FAM171B: variants seen among roughly 807,000 people sequenced by gnomAD.
The protein encoded by FAM171B is protein FAM171B.
FAM171B carries 19 observed loss-of-function variants against 75.6 expected under a neutral mutation model. The observed-to-expected ratio is 0.25, with a 90% confidence interval of 0.18 to 0.37. The LOEUF (loss-of-function observed/expected upper bound fraction) is 0.37, where lower values mean the gene tolerates loss of function less well. Among genes scored for constraint, FAM171B ranks in the 10% least tolerant of loss-of-function variants. FAM171B has a pLI of 1.00. For synonymous variants in FAM171B, 367 were observed against 361.7 expected (o/e 1.01, Z -0.17); for missense variants, 848 against 982.4 (o/e 0.86, Z 1.83).
At chr2:186,707,895 T>C (rs1338731406) in intron 1 of FAM171B, among the ~76,000 whole-genome samples, 4 of 152,022 alleles carry the variant, frequency 2.6e-5, no homozygotes, top group African/African-American at 9.7e-5. Context: ...GGTTCCTCTG[T>C]TATGCACTCT....
chr2:186,707,855 G>T (rs1490405792), intron 1 of FAM171B, among the ~76,000 whole-genome samples: 2 of 148,956 alleles, frequency 1.3e-5, no homozygotes, highest in Non-Finnish European at 3.0e-5. Context: ...AAAAAAAAAA[G>T]GTTTTTCATT....
intron 6 of FAM171B, 123 bp downstream of exon 6, chr2:186,754,172 G>C (rs1270479301): frequency 1.5e-6 from 1 of 668,704 alleles, no homozygotes; most frequent in Non-Finnish European, 2.5e-6. Flanking sequence ...AATGGGAAAG[G>C]AACTTGATCT....
At chr2:186,718,231 A>G (rs1392390648) in intron 1 of FAM171B, among the ~76,000 whole-genome samples, 1 of 152,176 alleles carries the variant, frequency 6.6e-6, no homozygotes, top group Non-Finnish European at 1.5e-5. Context: ...GCTCCCAGAG[A>G]GGTCTTTCTG....
At chr2:186,726,564 A>G (rs1220921144) in intron 1 of FAM171B, among the ~76,000 whole-genome samples, 1 of 152,188 alleles carries the variant, frequency 6.6e-6, no homozygotes, top group Middle Eastern at 3.4e-3. Context: ...CCTCATTCCA[A>G]TTAAATAGGG....
rs1690648568 is a variant in FAM171B, at chr2:186,763,157, T to C, written c.*334T>C. On this transcript the variant is annotated 3_prime_UTR_variant, in exon 8 of 8. Coordinates refer to ENST00000304698, the MANE Select transcript of FAM171B (RefSeq NM_177454.4). ...AACAGTGAAATATATACTCCTCAAG[T>C]TGCCTCCAAAAATGTTGCCTCTACC... is the stretch of plus-strand genomic sequence containing the variant. 1 of 190,334 alleles carries C rather than the reference T, an allele frequency of 5.3e-6. No individual in the cohort carries two copies. The highest frequency in any genetic ancestry group is 5.5e-5 in the Admixed American group (1 of 18,072). 11.8% of individuals were successfully genotyped at this position (190,334 alleles called of 1,614,324 possible). A position where few individuals can be genotyped will look rare whatever the true frequency, so the allele number is the denominator to read the frequency against.
chr2:186,743,354 C>T, intron 2 of FAM171B, 129 bp from the exon 3 acceptor site: 3 of 600,238 alleles, frequency 5.0e-6, no homozygotes, highest in South Asian at 2.1e-5. Flanking sequence ...TTTTGAATTG[C>T]TCTTCCCATC....
At position 186,707,464 on chromosome 2, in the gene FAM171B, C is replaced by T. The variant is rs546117887; in HGVS notation, c.238+13053C>T. Among the ~76,000 whole-genome samples the T allele has an allele frequency of 5.6e-4, 86 of 152,218 alleles. 1 individual carries two copies. Among genetic ancestry groups the T allele is most frequent in the Non-Finnish European group, 8.4e-4 (57 of 68,046 alleles). On this transcript the variant is annotated intron_variant, in intron 1 of 7. Coordinates refer to ENST00000304698, the MANE Select transcript of FAM171B (RefSeq NM_177454.4). ...GGCCTCCTTATGTCCATTCTTGATG[C>T]TCTGAAATCCAAATTTCCTATTGAA...
intron 6 of FAM171B, among the ~76,000 whole-genome samples, chr2:186,760,819 G>T (rs1332820834): frequency 6.6e-6 from 1 of 151,900 alleles, no homozygotes; most frequent in African/African-American, 2.4e-5. Context: ...CCAGGTTGAA[G>T]GAATAACAAC....
intron 1 of FAM171B, among the ~76,000 whole-genome samples, chr2:186,696,452 A>G (rs1689582547): frequency 1.5e-5 from 1 of 68,516 alleles, no homozygotes. Flanking sequence ...ACAGCTAGCG[A>G]TCTTTAAAAA....
intron 1 of FAM171B, among the ~76,000 whole-genome samples, chr2:186,712,810 G>T (rs563192308): frequency 6.6e-6 from 1 of 151,890 alleles, no homozygotes; most frequent in Non-Finnish European, 1.5e-5. Flanking sequence ...TGTTCACTTC[G>T]CAGTACTAAT....
chr2:186,713,869 G>C (rs1342107387), intron 1 of FAM171B, among the ~76,000 whole-genome samples: 2 of 152,022 alleles, frequency 1.3e-5, no homozygotes, highest in African/African-American at 4.8e-5. Flanking sequence ...TTTTTGTTTT[G>C]AATTCAAACA....
intron 2 of FAM171B, 54 bp downstream of exon 2, chr2:186,740,515 A>AT: frequency 7.0e-7 from 1 of 1,428,216 alleles, no homozygotes; most frequent in African/African-American, 1.4e-5. Flanking sequence ...TAAATGAATT[A>AT]TTTTCTCTGT....
At chr2:186,745,067 C>T (rs1481032716) in intron 3 of FAM171B, among the ~76,000 whole-genome samples, 3 of 151,960 alleles carry the variant, frequency 2.0e-5, no homozygotes, top group South Asian at 2.1e-4. Context: ...TGACCTCAAG[C>T]GATCCGCCCA....
chr2:186,743,788 A>G (rs965994711), intron 3 of FAM171B, among the ~76,000 whole-genome samples: 1 of 152,052 alleles, frequency 6.6e-6, no homozygotes, highest in Non-Finnish European at 1.5e-5. Flanking sequence ...TTCCTTTACT[A>G]TTTTAGCCCC....
At chr2:186,731,851 G>A (rs1690119077) in intron 1 of FAM171B, among the ~76,000 whole-genome samples, 1 of 151,996 alleles carries the variant, frequency 6.6e-6, no homozygotes, top group South Asian at 2.1e-4. Flanking sequence ...ACCCTATTTT[G>A]AACTGAGCAT....
At position 186,751,240 on chromosome 2, in the gene FAM171B, T is replaced by A; in HGVS notation, c.831T>A (p.Leu277=). 1 of 1,611,474 alleles carries A rather than the reference T, an allele frequency of 6.2e-7. No individual in the cohort carries two copies. The highest frequency in any genetic ancestry group is 8.5e-7 in the Non-Finnish European group (1 of 1,178,222). ...VNGSIQVSLP[L]LRLNDISAGD... ...GCTCTATTCAAGTTTCTCTTCCTCT[T>A]CTACGTCTGAATGATATAAGTGCAG... Residue 277 remains leucine (L), a synonymous_variant, in exon 5 of 8, where the codon CTT becomes CTA. Transcript: ENST00000304698.
chr2:186,703,297 A>G (rs896716869), intron 1 of FAM171B, among the ~76,000 whole-genome samples: 2 of 152,184 alleles, frequency 1.3e-5, no homozygotes, highest in African/African-American at 4.8e-5. Flanking sequence ...TAGAACGTTT[A>G]CTTGGCTGAA....
At chr2:186,720,700 C>CAAAAAAAAAAAAAAAAAA (rs71411184) in intron 1 of FAM171B, among the ~76,000 whole-genome samples, 1 of 110,248 alleles carries the variant, frequency 9.1e-6, no homozygotes, top group Admixed American at 9.9e-5. Flanking sequence ...AGATCATGTA[C>CAAAAAAAAAAAAAAAAAA]AAAAAAAAAA....
chr2:186,764,832 A>G lies in FAM171B; in HGVS notation c.*2009A>G, dbSNP rs1690676710. On this transcript the variant is annotated 3_prime_UTR_variant, in exon 8 of 8. Transcript: ENST00000304698. ...TTATGTTGGAATGAAGTTAGAAACTATATAGCAAAACATTATATTTTAAGT... is the reference window on the plus strand; with the variant it reads ...TTATGTTGGAATGAAGTTAGAAACTGTATAGCAAAACATTATATTTTAAGT... 6.6e-6 allele frequency: 1 copy of G among 151,938 alleles called. No individual in the cohort carries two copies. The highest frequency in any genetic ancestry group is 1.5e-5 in the Non-Finnish European group (1 of 67,878). The allele number at this position is 151,938 out of a possible 1,614,324, so 9.4% of individuals were successfully genotyped here.
Sources: allele counts gnomAD v4.1 joint callset (sites outside exome capture counted in the v4.1 genomes callset), GRCh38; gene constraint gnomAD v4.1.1; transcripts MANE v1.5; gene names NCBI Gene and HGNC (gene_info 2026-07-23, HGNC 2026-07-21).